The following PLPPR5 variants were observed in gnomAD, a reference collection of about 807,000 sequenced individuals.
PLPPR5 encodes phospholipid phosphatase related 5.
A neutral mutation model predicts 33.9 loss-of-function variants in PLPPR5; 16 were observed. That is an observed-to-expected ratio of 0.47 (90% CI 0.32 to 0.72). The LOEUF (loss-of-function observed/expected upper bound fraction) is 0.72, where lower values mean the gene tolerates loss of function less well. Among genes scored for constraint, PLPPR5 ranks in the 30% least tolerant of loss-of-function variants. PLPPR5 has a pLI of 0.03. For missense variants in PLPPR5, 301 were observed against 406.7 expected, an observed-to-expected ratio of 0.74 and a Z score of 2.23; for synonymous variants, 163 against 150.3, an observed-to-expected ratio of 1.08 and a Z score of -0.62.
intron 1 of PLPPR5, among the ~76,000 whole-genome samples, chr1:98,981,856 C>A (rs546604597): frequency 1.4e-4 from 22 of 152,162 alleles, no homozygotes; most frequent in African/African-American, 4.6e-4. Flanking sequence ...TGAACAGTAT[C>A]TATAAACAAC....
intron 3 of PLPPR5, among the ~76,000 whole-genome samples, chr1:98,926,545 T>C (rs1649771815): frequency 6.6e-6 from 1 of 151,736 alleles, no homozygotes; most frequent in Non-Finnish European, 1.5e-5. Context: ...TGTGGTCCAC[T>C]GAATCTTCCA....
intron 3 of PLPPR5, among the ~76,000 whole-genome samples, chr1:98,938,566 CTTA>C (rs898341331): frequency 1.4e-5 from 2 of 147,920 alleles, no homozygotes; most frequent in African/African-American, 4.9e-5. Flanking sequence ...ATTTAAATTA[CTTA>C]TTATATATTC....
chr1:98,891,421 TGCCAAAGTTACTTTGCCATATAA>T lies in PLPPR5; in HGVS notation c.*1628_*1650del, dbSNP rs1364208825. On this transcript the variant is annotated 3_prime_UTR_variant, in exon 6 of 6. Transcript: ENST00000263177. Reference sequence around the variant, plus strand: ...AGAAAGATTCATTTCAGTCAATTACTGCCAAAGTTACTTTGCCATATAAGCCAAAGTTACTTAGGGTAGTTTTA... The same window carrying T: ...AGAAAGATTCATTTCAGTCAATTACTGCCAAAGTTACTTAGGGTAGTTTTA... 6.6e-6 allele frequency: 1 copy of T among 152,142 alleles called. No individual in the cohort carries two copies. The highest frequency in any genetic ancestry group is 1.5e-5 in the Non-Finnish European group (1 of 68,014). 9.4% of individuals were successfully genotyped at this position (152,142 alleles called of 1,614,324 possible). A position where few individuals can be genotyped will look rare whatever the true frequency, so the allele number is the denominator to read the frequency against.
At chr1:99,000,209 A>T (rs1652777259) in intron 1 of PLPPR5, among the ~76,000 whole-genome samples, 1 of 152,238 alleles carries the variant, frequency 6.6e-6, no homozygotes, top group African/African-American at 2.4e-5. Context: ...AAACTATATC[A>T]TCTCTGTAAA....
chr1:98,895,363 G>A (rs990809059), intron 5 of PLPPR5, among the ~76,000 whole-genome samples: 13 of 152,030 alleles, frequency 8.6e-5, no homozygotes, highest in Admixed American at 4.6e-4. Context: ...CCAGAATCCT[G>A]AGCCAATAAA....
intron 1 of PLPPR5, among the ~76,000 whole-genome samples, chr1:98,974,352 C>T (rs2100746380): frequency 6.6e-6 from 1 of 152,138 alleles, no homozygotes; most frequent in East Asian, 1.9e-4. Flanking sequence ...AATGAAAGCA[C>T]AAAACTTTTT....
chr1:98,996,374 G>T (rs972089961), intron 1 of PLPPR5, among the ~76,000 whole-genome samples: 13 of 151,808 alleles, frequency 8.6e-5, no homozygotes, highest in Non-Finnish European at 1.5e-4. Context: ...AATGTACCTG[G>T]CCTGGAGAAT....
At chr1:98,903,286 T>C (rs568772542) in intron 5 of PLPPR5, among the ~76,000 whole-genome samples, 59 of 152,264 alleles carry the variant, frequency 3.9e-4, no homozygotes, top group African/African-American at 1.4e-3. Flanking sequence ...TAATCACTAA[T>C]AAGATTGTTT....
chr1:99,002,854 T>G (rs1189647451), intron 1 of PLPPR5, among the ~76,000 whole-genome samples: 1 of 151,810 alleles, frequency 6.6e-6, no homozygotes, highest in African/African-American at 2.4e-5. Flanking sequence ...TCCTTTTTCT[T>G]TAAAACAATC....
intron 3 of PLPPR5, among the ~76,000 whole-genome samples, chr1:98,945,859 C>G (rs1004927336): frequency 1.3e-5 from 2 of 152,134 alleles, no homozygotes; most frequent in Non-Finnish European, 2.9e-5. Flanking sequence ...CTGAGGTGGA[C>G]AATGCAGTAC....
At chr1:98,932,667 A>G (rs562591642) in intron 3 of PLPPR5, among the ~76,000 whole-genome samples, 1 of 152,356 alleles carries the variant, frequency 6.6e-6, no homozygotes, top group South Asian at 2.1e-4. Context: ...TGATTTTTCT[A>G]AAATCTAATG....
chr1:98,922,317 A>G (rs1013703354), intron 3 of PLPPR5, among the ~76,000 whole-genome samples: 5 of 152,200 alleles, frequency 3.3e-5, no homozygotes, highest in African/African-American at 4.8e-5. Flanking sequence ...TTAATCATCT[A>G]GAAACACCAA....
At chr1:98,998,556 A>T (rs942301019) in intron 1 of PLPPR5, among the ~76,000 whole-genome samples, 1 of 152,196 alleles carries the variant, frequency 6.6e-6, no homozygotes, top group Non-Finnish European at 1.5e-5. Context: ...GAACATTGAA[A>T]TCGAGGATAA....
At chr1:98,995,843 T>C (rs1652612212) in intron 1 of PLPPR5, among the ~76,000 whole-genome samples, 1 of 152,106 alleles carries the variant, frequency 6.6e-6, no homozygotes. Context: ...ACACTTGAAT[T>C]TAATTCATTA....
intron 3 of PLPPR5, among the ~76,000 whole-genome samples, chr1:98,937,989 A>C (rs1650235378): frequency 6.6e-6 from 1 of 152,194 alleles, no homozygotes; most frequent in African/African-American, 2.4e-5. Flanking sequence ...AAGAATGCCC[A>C]CCTATATACA....
At chr1:98,911,442 A>C (rs543329173) in intron 5 of PLPPR5, among the ~76,000 whole-genome samples, 1 of 152,366 alleles carries the variant, frequency 6.6e-6, no homozygotes, top group Admixed American at 6.5e-5. Flanking sequence ...AACAATTTAT[A>C]GATGAATAGA....
At chr1:98,930,458 T>G (rs1649923327) in intron 3 of PLPPR5, among the ~76,000 whole-genome samples, 1 of 152,112 alleles carries the variant, frequency 6.6e-6, no homozygotes, top group Non-Finnish European at 1.5e-5. Flanking sequence ...CCAGAAAATT[T>G]TAAATATTAA....
Position 99,004,675 on chromosome 1 carries a change from C to T in PLPPR5, c.-4G>A. ...GCGCCGCGGGCAGCAGGGGCATGCA[C>T]GCCTCCCGGGCCGGGCCGAGCCGAG... is the stretch of plus-strand genomic sequence containing the variant. On this transcript the variant is annotated 5_prime_UTR_variant, in exon 1 of 6. In the 5' UTR this introduces an upstream ATG that the reference lacks. Transcript: ENST00000263177. 2 of 1,597,472 alleles carry T rather than the reference C, an allele frequency of 1.3e-6. No homozygotes were observed. Among genetic ancestry groups the T allele is most frequent in the Non-Finnish European group, 1.7e-6 (2 of 1,173,052 alleles).
intron 5 of PLPPR5, among the ~76,000 whole-genome samples, chr1:98,911,690 T>C (rs1649153707): frequency 6.6e-6 from 1 of 152,168 alleles, no homozygotes; most frequent in Non-Finnish European, 1.5e-5. Context: ...GAAAAGGTTG[T>C]AATAGTTACC....
Sources: allele counts gnomAD v4.1 joint callset (sites outside exome capture counted in the v4.1 genomes callset), GRCh38; gene constraint gnomAD v4.1.1; transcripts MANE v1.5; gene names NCBI Gene and HGNC (gene_info 2026-07-23, HGNC 2026-07-21).